The following ATP8A2 variants were observed in gnomAD, a reference collection of about 807,000 sequenced individuals.
The protein encoded by ATP8A2 is ATPase phospholipid transporting 8A2, also known as phospholipid-transporting ATPase IB.
Under a neutral mutation model 165.6 loss-of-function variants are expected in ATP8A2, and 100 were observed. The observed-to-expected ratio is 0.60, with a 90% CI of 0.51 to 0.71. ATP8A2 has a LOEUF of 0.71. Ranked by LOEUF, ATP8A2 falls within the 30% of genes least tolerant of loss-of-function variation. ATP8A2 has a pLI of 0.00. For missense variants in ATP8A2, 1,227 were observed against 1,479.5 expected (o/e 0.83, Z 2.80); for synonymous variants, 543 against 548.8 (o/e 0.99, Z 0.15).
At chr13:25,431,869 C>G (rs2034623956) in intron 1 of ATP8A2, among the ~76,000 whole-genome samples, 1 of 152,126 alleles carries the variant, frequency 6.6e-6, no homozygotes, top group Non-Finnish European at 1.5e-5. Context: ...AAAATAACCC[C>G]ATACCTGTTA....
At chr13:25,742,131 G>A (rs530405496) in intron 25 of ATP8A2, among the ~76,000 whole-genome samples, 1 of 152,250 alleles carries the variant, frequency 6.6e-6, no homozygotes, top group African/African-American at 2.4e-5. Context: ...GGAATAGCCT[G>A]TTGCTCCTAG....
chr13:25,618,090 G>T (rs185960580), intron 24 of ATP8A2, among the ~76,000 whole-genome samples: 1 of 152,128 alleles, frequency 6.6e-6, no homozygotes, highest in Non-Finnish European at 1.5e-5. Context: ...TAAGCTATTT[G>T]ACCTATTTGA....
intron 24 of ATP8A2, among the ~76,000 whole-genome samples, chr13:25,678,357 C>T (rs2042413953): frequency 6.6e-6 from 1 of 152,074 alleles, no homozygotes; most frequent in African/African-American, 2.4e-5. Context: ...GACAGGCTGG[C>T]AGCAGGTGGA....
At chr13:25,829,640 T>A (rs1951404236) in intron 28 of ATP8A2, among the ~76,000 whole-genome samples, 1 of 131,450 alleles carries the variant, frequency 7.6e-6, no homozygotes, top group African/African-American at 2.9e-5. Flanking sequence ...CTAGGAGAGA[T>A]TTTGTTGTAG....
At chr13:25,926,307 A>C (rs1482621907) in intron 33 of ATP8A2, among the ~76,000 whole-genome samples, 1 of 151,854 alleles carries the variant, frequency 6.6e-6, no homozygotes, top group East Asian at 1.9e-4. Context: ...TATTTTTCCC[A>C]TTCCATGGCC....
chr13:25,981,033 C>T (rs1005994850), intron 35 of ATP8A2, among the ~76,000 whole-genome samples: 3 of 152,086 alleles, frequency 2.0e-5, no homozygotes, highest in Non-Finnish European at 2.9e-5. Context: ...TTTTTCAAAA[C>T]GACAAAAATT....
At chr13:25,889,890 C>T (rs1290340526) in intron 33 of ATP8A2, among the ~76,000 whole-genome samples, 4 of 152,084 alleles carry the variant, frequency 2.6e-5, no homozygotes, top group African/African-American at 9.7e-5. Flanking sequence ...TGGCCGGGCG[C>T]GGTGGTTCAC....
chr13:25,679,875 G>A (rs1055459960), intron 24 of ATP8A2, among the ~76,000 whole-genome samples: 1 of 152,072 alleles, frequency 6.6e-6, no homozygotes, highest in African/African-American at 2.4e-5. Context: ...TGCGGATTAG[G>A]AAAAATAGGA....
In ATP8A2 at chr13:25,726,592, A is replaced by G. The variant is rs372739635; in HGVS notation, c.2384+27247A>G. On this transcript the variant is annotated intron_variant, in intron 25 of 36. Coordinates refer to ENST00000381655, the MANE Select transcript of ATP8A2 (RefSeq NM_016529.6). ...TTCTGTTGTCACATTGCTTTCTCCA[A>G]TCCTGCAGTGAAATCTCTCTCTCTC... is the stretch of plus-strand genomic sequence containing the variant. Among the ~76,000 whole-genome samples the G allele has an allele frequency of 1.7e-4, 26 of 151,970 alleles. No individual in the cohort carries two copies. The East Asian group carries it at 3.5e-3, about 20-fold the overall frequency.
chr13:25,893,026 T>A (rs2138908385), intron 33 of ATP8A2, among the ~76,000 whole-genome samples: 1 of 152,194 alleles, frequency 6.6e-6, no homozygotes, highest in Non-Finnish European at 1.5e-5. Flanking sequence ...GAGAAGATTT[T>A]TTTTTCTTTT....
intron 27 of ATP8A2, among the ~76,000 whole-genome samples, chr13:25,777,712 A>G (rs2044773287): frequency 6.6e-6 from 1 of 152,242 alleles, no homozygotes; most frequent in Non-Finnish European, 1.5e-5. Context: ...CTTAGCCATT[A>G]TTATGAGGAT....
chr13:25,636,001 G>A (rs2041358440), intron 24 of ATP8A2, among the ~76,000 whole-genome samples: 1 of 152,164 alleles, frequency 6.6e-6, no homozygotes, highest in South Asian at 2.1e-4. Context: ...ATGCCTGGAG[G>A]ATGGACGAGG....
chr13:25,795,910 C>T (rs1344789862), intron 27 of ATP8A2, among the ~76,000 whole-genome samples: 53 of 151,024 alleles, frequency 3.5e-4, no homozygotes, highest in Admixed American at 3.4e-3. Flanking sequence ...TGAGATGGAA[C>T]TAGAATATGG....
intron 24 of ATP8A2, among the ~76,000 whole-genome samples, chr13:25,667,958 G>C (rs886416495): frequency 5.3e-5 from 8 of 151,944 alleles, no homozygotes; most frequent in Non-Finnish European, 1.0e-4. Context: ...GTATAGCTCT[G>C]TTCCCCCTTT....
intron 35 of ATP8A2, among the ~76,000 whole-genome samples, chr13:25,990,144 A>G (rs1956356896): frequency 6.6e-6 from 1 of 151,548 alleles, no homozygotes; most frequent in African/African-American, 2.4e-5. Context: ...TTGCGTTTAT[A>G]CGTTGGCCCA....
chr13:25,450,300 T>C (rs1393820456), intron 1 of ATP8A2, among the ~76,000 whole-genome samples: 1 of 152,214 alleles, frequency 6.6e-6, no homozygotes. Flanking sequence ...CATGTGTCTT[T>C]ATAATAAAAT....
In ATP8A2 at chr13:25,643,130, C is replaced by T. The variant is rs553030680; in HGVS notation, c.2211+53431C>T. ...CTAATGTAAATGACGAGTTAATGGG[C>T]GCAGCACACCAACATGGGACATGTA... On this transcript the variant is annotated intron_variant, in intron 24 of 36. Transcript: ENST00000381655. 2.1e-4 allele frequency among the ~76,000 whole-genome samples: 32 copies of T among 152,040 alleles called. 1 individual carries two copies. The East Asian group carries it at 4.1e-3, about 19-fold the overall frequency.
At chr13:25,915,513 G>A (rs1295691644) in intron 33 of ATP8A2, among the ~76,000 whole-genome samples, 2 of 152,204 alleles carry the variant, frequency 1.3e-5, no homozygotes, top group East Asian at 1.9e-4. Flanking sequence ...TAGTGGGCCA[G>A]TCCAGCAGGG....
At chr13:25,517,645 A>G (rs778297085) in intron 2 of ATP8A2, among the ~76,000 whole-genome samples, 123 of 152,202 alleles carry the variant, frequency 8.1e-4, no homozygotes, top group Admixed American at 4.6e-3. Context: ...TTTGTGACAG[A>G]TAGTCTAAAA....
Sources: allele counts gnomAD v4.1 joint callset (sites outside exome capture counted in the v4.1 genomes callset), GRCh38; gene constraint gnomAD v4.1.1; transcripts MANE v1.5; gene names NCBI Gene and HGNC (gene_info 2026-07-23, HGNC 2026-07-21).